MED25: variants seen among roughly 807,000 people sequenced by gnomAD.
MED25 encodes mediator of RNA polymerase II transcription subunit 25.
A neutral mutation model predicts 89.4 loss-of-function variants in MED25; 62 were observed. The observed-to-expected ratio is 0.69, with a 90% confidence interval of 0.57 to 0.86. The LOEUF is 0.86. MED25 is among the 40% of genes least tolerant of loss of function. The pLI is 0.00. For missense variants in MED25, 905 were observed against 1,005.2 expected, an observed-to-expected ratio of 0.90 and a Z score of 1.35; for synonymous variants, 449 against 427.9, an observed-to-expected ratio of 1.05 and a Z score of -0.61.
intron 3 of MED25, 50 bp from the exon 4 acceptor site, chr19:49,828,399 G>A (rs1185836290): frequency 8.9e-6 from 11 of 1,234,970 alleles, no homozygotes; most frequent in Non-Finnish European, 1.3e-5. Flanking sequence ...AGCATAGCCT[G>A]GGGATGGGGA....
chr19:49,818,355 C>G lies in MED25; in HGVS notation c.14C>G (p.Ser5Cys). The G allele has an allele frequency of 6.3e-7, 1 of 1,598,814 alleles. No homozygotes were observed. Among genetic ancestry groups the G allele is most frequent in the Non-Finnish European group, 8.5e-7 (1 of 1,172,516 alleles). MVPG[S>C]EGPARAGSVV... ...ACCGCACGGGGTATGGTCCCCGGGT[C>G]CGAGGGCCCGGCCCGCGCCGGGAGC... The change falls in exon 1 of 18, where the codon TCC becomes TGC. Residue 5 changes from serine (S) to cysteine (C), a missense_variant. Ser to Cys is a moderately radical substitution (Grantham distance 112, BLOSUM62 -1). Around this residue, in one of 3 missense-constraint regions of MED25, gnomAD observed 501 missense variants for 526.9 expected, o/e 0.95. Transcript: ENST00000312865.
rs746400651 is a variant in MED25, at chr19:49,834,577, C to G, written c.1483-409C>G. ...GAGGGCTGGAGGATCTCTTGGATAC[C>G]CGGGGTCCGACCCACCGTTGATCAC... is the stretch of plus-strand genomic sequence containing the variant. On this transcript the variant is annotated intron_variant, in intron 13 of 17. Transcript: ENST00000312865. This position sits in a 1 kb window ranked among gnomAD's most constrained non-coding sequence, Gnocchi z 4.1. 6.6e-6 allele frequency: 2 copies of G among 300,848 alleles called. No homozygotes were observed. Among genetic ancestry groups the G allele is most frequent in the Admixed American group, 4.3e-5 (1 of 23,020 alleles). 18.6% of individuals were successfully genotyped at this position (300,848 alleles called of 1,614,324 possible). A position where few individuals can be genotyped will look rare whatever the true frequency, so the allele number is the denominator to read the frequency against.
At chr19:49,839,823 A>C (rs2122124331), downstream of MED25, 1 of 152,298 alleles carries the variant, frequency 6.6e-6, no homozygotes, top group South Asian at 2.1e-4. Context: ...TTGAAGACCA[A>C]ATTCCCCCAA....
At position 49,828,406 on chromosome 19, in the gene MED25, G is replaced by A. The variant is rs763740966; in HGVS notation, c.306-43G>A. 5 of 1,328,128 alleles carry A rather than the reference G, an allele frequency of 3.8e-6. No individual in the cohort carries two copies. In the Admixed American group the frequency reaches 5.4e-5, roughly 14 times the overall value. The allele number at this position is 1,328,128 out of a possible 1,614,324, so 82.3% of individuals were successfully genotyped here. A position where few individuals can be genotyped will look rare whatever the true frequency, so the allele number is the denominator to read the frequency against. Reference sequence around the variant, plus strand: ...GCTCTTCAAGCATAGCCTGGGGATGGGGATGATGGCAACCCTGGGGGCTGA... The same window carrying A: ...GCTCTTCAAGCATAGCCTGGGGATGAGGATGATGGCAACCCTGGGGGCTGA... On this transcript the variant is annotated intron_variant, in intron 3 of 17. Coordinates refer to ENST00000312865, the MANE Select transcript of MED25 (RefSeq NM_030973.4).
chr19:49,818,432 T>C lies in MED25; in HGVS notation c.91T>C (p.Tyr31His). 17 of 1,614,090 alleles carry C rather than the reference T, an allele frequency of 1.1e-5. No individual in the cohort carries two copies. The highest frequency in any genetic ancestry group is 1.4e-5 in the Non-Finnish European group (17 of 1,180,004). Residue 31 changes from tyrosine (Y) to histidine (H), a missense_variant, in exon 1 of 18, where the codon TAC (tyrosine) becomes CAC (histidine). Physicochemically the swap from Tyr to His is moderately conservative, Grantham distance 83. Transcript: ENST00000312865. ...VIEGTANLGP[Y>H]FEGLRKHYLL... is the part of the protein sequence containing the mutation. ...TGAGGGTACGGCCAACCTGGGACCCTACTTCGAGGGGCTCCGCAAGCACTA... is the reference window on the plus strand; with the variant it reads ...TGAGGGTACGGCCAACCTGGGACCCCACTTCGAGGGGCTCCGCAAGCACTA...
At chr19:49,821,618 A>G (rs1167663172) in intron 3 of MED25, among the ~76,000 whole-genome samples, 4 of 149,206 alleles carry the variant, frequency 2.7e-5, no homozygotes, top group African/African-American at 5.0e-5. Flanking sequence ...AATACAAGCA[A>G]TCATCCTGCC....
downstream of MED25, chr19:49,838,666 C>G (rs1467116338): frequency 2.0e-5 from 9 of 456,916 alleles, no homozygotes; most frequent in Non-Finnish European, 3.5e-5. Context: ...GAAGAGCATG[C>G]CTATGTGTTT....
At chr19:49,827,398 G>A (rs779367561) in intron 3 of MED25, among the ~76,000 whole-genome samples, 3 of 152,192 alleles carry the variant, frequency 2.0e-5, no homozygotes, top group Non-Finnish European at 4.4e-5. Flanking sequence ...GGGTTCTGGA[G>A]GCTGGAAGTC....
rs1018310328 is a variant in MED25, at chr19:49,834,676, C to T, written c.1483-310C>T. The T allele has an allele frequency of 1.1e-5, 5 of 444,136 alleles. No individual in the cohort carries two copies. The highest frequency in any genetic ancestry group is 3.4e-5 in the Admixed American group (1 of 29,276). The allele number at this position is 444,136 out of a possible 1,614,324, so 27.5% of individuals were successfully genotyped here. ...ACCCTCAGCCGCCCTCTGAGGAGGCCGCCGTGGCATTTTATGCCCAAGAAA... is the reference window on the plus strand; with the variant it reads ...ACCCTCAGCCGCCCTCTGAGGAGGCTGCCGTGGCATTTTATGCCCAAGAAA... On this transcript the variant is annotated intron_variant, in intron 13 of 17. Transcript: ENST00000312865. This position sits in a 1 kb window ranked among gnomAD's most constrained non-coding sequence, Gnocchi z 4.1.
rs1387103323 is a variant in MED25, at chr19:49,829,559, G to A, written c.526-227G>A. On this transcript the variant is annotated intron_variant, in intron 5 of 17. Transcript: ENST00000312865. The surrounding 1 kb of genome is among the most constrained non-coding windows in gnomAD (Gnocchi z 4.6). ...CTCACAAAATCCTGGGATTACAGAC[G>A]TGAGCCTCCACACCTGGCCCACTTA... Among the ~76,000 whole-genome samples, 1 of 152,148 alleles carries A rather than the reference G, an allele frequency of 6.6e-6. No individual in the cohort carries two copies. The highest frequency in any genetic ancestry group is 1.5e-5 in the Non-Finnish European group (1 of 68,026).
chr19:49,820,326 G>A (rs2073973511), intron 3 of MED25, among the ~76,000 whole-genome samples: 1 of 152,142 alleles, frequency 6.6e-6, no homozygotes, highest in Non-Finnish European at 1.5e-5. Context: ...GGATACAGAG[G>A]CAGAACAAAA....
At position 49,824,369 on chromosome 19, in the gene MED25, G is replaced by A. The variant is rs980979149; in HGVS notation, c.306-4080G>A. 9.2e-5 allele frequency among the ~76,000 whole-genome samples: 14 copies of A among 152,256 alleles called. 1 individual carries two copies. The highest frequency in any genetic ancestry group is 3.4e-4 in the African/African-American group (14 of 41,540). On this transcript the variant is annotated intron_variant, in intron 3 of 17. Transcript: ENST00000312865. Reference sequence around the variant, plus strand: ...CCAGCTGGGGCTTGGCACCCACGGGGCTTCAGGAGACTGGCTGAATAAATG... The same window carrying A: ...CCAGCTGGGGCTTGGCACCCACGGGACTTCAGGAGACTGGCTGAATAAATG...
At chr19:49,839,345 G>C (rs931386955), downstream of MED25, 2 of 162,110 alleles carry the variant, frequency 1.2e-5, no homozygotes, top group African/African-American at 4.8e-5. Context: ...CATTTGGCAA[G>C]GACACGGAAG....
At chr19:49,838,465 C>A (rs1334487997), downstream of MED25, 3 of 414,474 alleles carry the variant, frequency 7.2e-6, no homozygotes, top group Admixed American at 7.6e-5. Flanking sequence ...TCCCTCTTGG[C>A]TTCCCTGTGA....
At position 49,836,087 on chromosome 19, in the gene MED25, GC is replaced by G. The variant is rs2074095834; in HGVS notation, c.1966-137del. ...CAGGGCTTTAGGCAGAAGGCAGACC[GC>G]CTCCTCTCCGTCCATCCCCCACCTT... On this transcript the variant is annotated intron_variant, in intron 16 of 17. Coordinates refer to ENST00000312865, the MANE Select transcript of MED25 (RefSeq NM_030973.4). This position sits in a 1 kb window ranked among gnomAD's most constrained non-coding sequence, Gnocchi z 5.1. 1.3e-6 allele frequency: 2 copies of G among 1,517,334 alleles called. No individual in the cohort carries two copies. Among genetic ancestry groups the G allele is most frequent in the Admixed American group, 3.9e-5 (2 of 51,406 alleles). 94.0% of individuals were successfully genotyped at this position (1,517,334 alleles called of 1,614,324 possible). A position where few individuals can be genotyped will look rare whatever the true frequency, so the allele number is the denominator to read the frequency against.
At chr19:49,822,839 G>A (rs541872467) in intron 3 of MED25, among the ~76,000 whole-genome samples, 155 of 151,990 alleles carry the variant, frequency 1.0e-3, no homozygotes, top group African/African-American at 3.4e-3. Context: ...AGTAGAGACA[G>A]GGTTTCACTG....
intron 3 of MED25, 80 bp from the exon 4 acceptor site, chr19:49,828,369 G>A: frequency 2.1e-6 from 2 of 957,738 alleles, no homozygotes; most frequent in East Asian, 2.4e-5. Context: ...GTGGGGGACA[G>A]CATGGGAGCA....
downstream of MED25, chr19:49,838,594 A>G (rs1015440509): frequency 2.2e-6 from 1 of 457,344 alleles, no homozygotes; most frequent in African/African-American, 2.0e-5. Flanking sequence ...AAAACGAAAG[A>G]GAGAAGGAGA....
In MED25 at chr19:49,829,010, C is replaced by T. The variant is rs1474508211; in HGVS notation, c.445C>T (p.Pro149Ser). The change falls in exon 5 of 18, where the codon CCC (proline) becomes TCC (serine). Residue 149 changes from proline (P) to serine (S), a missense_variant. Physicochemically the swap from Pro to Ser is moderately conservative, Grantham distance 74 (BLOSUM62 -1). Coordinates refer to ENST00000312865, the MANE Select transcript of MED25 (RefSeq NM_030973.4). The surrounding 1 kb of genome is among the most constrained non-coding windows in gnomAD (Gnocchi z 4.6). ...HRVCLLICNS[P>S]PYLLPAVEST... ...GGTCTGCCTCCTCATCTGCAACTCACCCCCATACTTGTTGCCTGCTGTTGA... is the reference window on the plus strand; with the variant it reads ...GGTCTGCCTCCTCATCTGCAACTCATCCCCATACTTGTTGCCTGCTGTTGA... 1.9e-6 allele frequency: 3 copies of T among 1,614,064 alleles called. No individual in the cohort carries two copies. The highest frequency in any genetic ancestry group is 2.5e-6 in the Non-Finnish European group (3 of 1,179,992).
Sources: allele counts gnomAD v4.1 joint callset (sites outside exome capture counted in the v4.1 genomes callset), GRCh38; gene constraint gnomAD v4.1.1; regional missense constraint gnomAD v4.1.1; non-coding constraint Gnocchi (gnomAD v3.1); transcripts MANE v1.5; gene names NCBI Gene and HGNC (gene_info 2026-07-23, HGNC 2026-07-21).